Variants in C2CD3 observed in about 807,000 individuals in gnomAD.
C2CD3 encodes the protein C2 domain containing 3 centriole elongation regulator.
C2CD3 carries 148 observed loss-of-function variants against 234.0 expected under a neutral mutation model. The observed-to-expected ratio is 0.63, with a 90% CI of 0.55 to 0.72. The LOEUF (loss-of-function observed/expected upper bound fraction) is 0.72. Among genes scored for constraint, C2CD3 ranks in the 30% least tolerant of loss-of-function variants. C2CD3 has a pLI of 0.00. For synonymous variants in C2CD3, 1,000 were observed against 1,035.4 expected (o/e 0.97, Z 0.66); for missense variants, 2,577 against 2,811.5 (o/e 0.92, Z 1.89).
chr11:74,031,615 C>T (rs1219178415), intron 31 of C2CD3, among the ~76,000 whole-genome samples: 1 of 152,220 alleles, frequency 6.6e-6, no homozygotes, highest in Non-Finnish European at 1.5e-5. Flanking sequence ...TATCTATCTA[C>T]TTGACTGTCT....
intron 29 of C2CD3, among the ~76,000 whole-genome samples, chr11:74,038,945 C>T (rs78325665): frequency 2.9e-4 from 44 of 152,326 alleles, no homozygotes; most frequent in African/African-American, 1.1e-3. Context: ...ATACCTGTGA[C>T]ATGAACTGAA....
chr11:74,019,253 T>C (rs1591260051), intron 32 of C2CD3, among the ~76,000 whole-genome samples: 1 of 152,196 alleles, frequency 6.6e-6, no homozygotes, highest in Non-Finnish European at 1.5e-5. Context: ...GACTAGCACC[T>C]GCCCAGCAGA....
At chr11:74,134,543 A>C (rs1957795236) in intron 5 of C2CD3, among the ~76,000 whole-genome samples, 1 of 152,172 alleles carries the variant, frequency 6.6e-6, no homozygotes, top group South Asian at 2.1e-4. Flanking sequence ...AAAACAAATA[A>C]AATAAAAAAG....
intron 27 of C2CD3, among the ~76,000 whole-genome samples, chr11:74,048,889 A>ATTC (rs34514618): frequency 0.55 from 83,956 of 151,756 alleles, 24,378 homozygotes; most frequent in African/African-American, 0.75. Flanking sequence ...AGTCTGGGAA[A>ATTC]TTCTTTCTTT....
chr11:74,067,200 GGAAGA>G (rs1243081021), intron 24 of C2CD3, among the ~76,000 whole-genome samples: 2 of 152,036 alleles, frequency 1.3e-5, no homozygotes, highest in Non-Finnish European at 2.9e-5. Flanking sequence ...CTGGGTGATG[GGAAGA>G]GAAAAGAGAA....
rs144439484 is a variant in C2CD3, at chr11:74,082,686, C to T, written c.4000+2195G>A. ...TTGATATGCTGCTGGATTCGCCCCC[C>T]TGTCCCTCCCCCAAAGGGAATAAAA... On this transcript the variant is annotated intron_variant, in intron 22 of 32. Coordinates refer to ENST00000334126, the MANE Select transcript of C2CD3 (RefSeq NM_001286577.2). Among the ~76,000 whole-genome samples, 247 of 152,182 alleles carry T rather than the reference C, an allele frequency of 1.6e-3. 1 individual carries two copies. Among genetic ancestry groups the T allele is most frequent in the Non-Finnish European group, 2.5e-3 (172 of 67,966 alleles).
At chr11:74,109,402 GTCAA>G (rs1956658822) in intron 11 of C2CD3, 1 of 394,260 alleles carries the variant, frequency 2.5e-6, no homozygotes, top group Non-Finnish European at 4.5e-6. Flanking sequence ...AGAAATGAAT[GTCAA>G]TCATATGAGT....
chr11:74,054,507 GAAAAAAAAAAAAAAAA>G (rs869085401), intron 26 of C2CD3, 84 bp downstream of exon 26: 6 of 275,582 alleles, frequency 2.2e-5, no homozygotes, highest in Non-Finnish European at 6.6e-6. Context: ...ACTTGGTTTG[GAAAAAAAAAAAAAAAA>G]AAAAAAAAAG....
intron 32 of C2CD3, among the ~76,000 whole-genome samples, chr11:74,024,054 C>T (rs1952193657): frequency 6.6e-6 from 1 of 152,186 alleles, no homozygotes; most frequent in Admixed American, 6.5e-5. Context: ...TTCCTCCTCC[C>T]CTATCCCATT....
chr11:74,103,057 C>A (rs748226126), intron 14 of C2CD3, 74 bp downstream of exon 14: 2 of 1,411,270 alleles, frequency 1.4e-6, no homozygotes, highest in Non-Finnish European at 9.7e-7. Flanking sequence ...AGATTTAAGA[C>A]GAAATAATAA....
intron 32 of C2CD3, among the ~76,000 whole-genome samples, chr11:74,023,299 T>C (rs1055053475): frequency 1.3e-5 from 2 of 152,186 alleles, no homozygotes; most frequent in Non-Finnish European, 2.9e-5. Context: ...AGTATAGCAG[T>C]CCTAGGACAG....
chr11:74,111,341 A>T (rs1210582629), intron 11 of C2CD3, among the ~76,000 whole-genome samples: 1 of 152,210 alleles, frequency 6.6e-6, no homozygotes, highest in Non-Finnish European at 1.5e-5. Context: ...TCTGAATGCC[A>T]ATATGATGCC....
At chr11:74,121,298 G>A (rs1030524237) in intron 8 of C2CD3, among the ~76,000 whole-genome samples, 7 of 152,106 alleles carry the variant, frequency 4.6e-5, no homozygotes, top group Middle Eastern at 3.4e-3. Flanking sequence ...TATCTCATGC[G>A]GCTGGTAAAA....
chr11:74,013,456 G>C lies in C2CD3; in HGVS notation c.6991C>G (p.Leu2331Val), dbSNP rs534735031. The stretch of plus-strand genomic sequence containing the variant: ...AGAGTTTCTTCCTCAGGCAGGTTGA[G>C]GGGGAGCGAGTTAGGTCTGGGGCGA... ...PCRPRPNSLPLNLPEEETLRI... is the reference protein window; with the variant it reads ...PCRPRPNSLPVNLPEEETLRI... Residue 2331 changes from leucine (L) to valine (V), a missense_variant, in exon 33 of 33, where the codon CTC becomes GTC. Leu to Val is a conservative substitution (Grantham distance 32). Coordinates refer to ENST00000334126, the MANE Select transcript of C2CD3 (RefSeq NM_001286577.2). 1.1e-5 allele frequency: 16 copies of C among 1,433,072 alleles called. No homozygotes were observed. Among genetic ancestry groups the C allele is most frequent in the Admixed American group, 2.8e-5 (1 of 35,376 alleles). 88.8% of individuals were successfully genotyped at this position (1,433,072 alleles called of 1,614,324 possible). A position where few individuals can be genotyped will look rare whatever the true frequency, so the allele number is the denominator to read the frequency against.
intron 24 of C2CD3, among the ~76,000 whole-genome samples, chr11:74,064,147 G>A (rs1327177184): frequency 6.6e-6 from 1 of 151,962 alleles, no homozygotes; most frequent in Non-Finnish European, 1.5e-5. Context: ...AACATGCGGT[G>A]TTTGGTTTTT....
chr11:74,014,807 A>C (rs939511613), intron 32 of C2CD3, among the ~76,000 whole-genome samples: 1 of 152,140 alleles, frequency 6.6e-6, no homozygotes, highest in African/African-American at 2.4e-5. Flanking sequence ...CATGAAATAG[A>C]AGTGTGGATG....
At chr11:74,103,051 T>A in intron 14 of C2CD3, 80 bp downstream of exon 14, 1 of 1,387,322 alleles carries the variant, frequency 7.2e-7, no homozygotes. Flanking sequence ...CATTCTAGAT[T>A]TAAGACGAAA....
At chr11:74,125,708 T>C (rs1443516892) in intron 7 of C2CD3, among the ~76,000 whole-genome samples, 1 of 152,142 alleles carries the variant, frequency 6.6e-6, no homozygotes, top group Non-Finnish European at 1.5e-5. Context: ...TTTTTTCTTA[T>C]ACAACTAATT....
chr11:74,076,742 T>C (rs1311200015), intron 23 of C2CD3, among the ~76,000 whole-genome samples: 4 of 152,168 alleles, frequency 2.6e-5, no homozygotes, highest in South Asian at 2.1e-4. Flanking sequence ...CTTTGACCCA[T>C]GCTGTTCCCT....
Sources: allele counts gnomAD v4.1 joint callset (sites outside exome capture counted in the v4.1 genomes callset), GRCh38; gene constraint gnomAD v4.1.1; transcripts MANE v1.5; gene names NCBI Gene and HGNC (gene_info 2026-07-23, HGNC 2026-07-21).